APP: variants seen among roughly 807,000 people sequenced by gnomAD.
APP encodes amyloid-beta precursor protein.
In APP, 31 loss-of-function variants were observed where a neutral mutation model predicts 101.4. That is an observed-to-expected ratio of 0.31 (90% CI 0.23 to 0.41). The LOEUF is 0.41. APP is among the 10% of genes least tolerant of loss of function. APP has a pLI of 1.00. For missense variants in APP, 839 were observed against 1,003.7 expected, an observed-to-expected ratio of 0.84 and a Z score of 2.22; for synonymous variants, 366 against 364.4, an observed-to-expected ratio of 1.00 and a Z score of -0.05.
chr21:25,905,197 G>A, intron 14 of APP, 120 bp from the exon 15 acceptor site: 1 of 844,504 alleles, frequency 1.2e-6, no homozygotes, highest in South Asian at 1.4e-5. Context: ...TTACAAAAAA[G>A]GAGCAGCCAG....
chr21:26,062,780 T>A (rs1251086099), intron 3 of APP, among the ~76,000 whole-genome samples: 1 of 152,056 alleles, frequency 6.6e-6, no homozygotes, highest in Non-Finnish European at 1.5e-5. Context: ...TTTATTTTTT[T>A]AAGAAAGAGT....
intron 15 of APP, among the ~76,000 whole-genome samples, chr21:25,900,392 A>C (rs1468546265): frequency 3.6e-5 from 5 of 138,128 alleles, no homozygotes; most frequent in Admixed American, 3.5e-4. Context: ...AAAAAAAAAA[A>C]AAAAAAAAAA....
chr21:26,000,396 T>C (rs1328344312), intron 6 of APP, among the ~76,000 whole-genome samples: 1 of 152,178 alleles, frequency 6.6e-6, no homozygotes, highest in Non-Finnish European at 1.5e-5. Flanking sequence ...GTTTAATGAG[T>C]GCAGGACTCG....
rs147961845 is a variant in APP at position 26,087,950 on chromosome 21, T to C, written c.355+1993A>G. On this transcript the variant is annotated intron_variant, in intron 3 of 17. Coordinates refer to ENST00000346798, the MANE Select transcript of APP (RefSeq NM_000484.4). ...TTGATATTGAGATCTGAGAACATCT[T>C]TTATATCCTTTATTACTTGTTGTAC... is the stretch of plus-strand genomic sequence containing the variant. Among the ~76,000 whole-genome samples, 269 of 152,330 alleles carry C rather than the reference T, an allele frequency of 1.8e-3. 2 individuals are homozygous for C. The highest frequency in any genetic ancestry group is 6.0e-3 in the African/African-American group (251 of 41,568).
chr21:25,915,524 T>C (rs1343705815), intron 13 of APP, among the ~76,000 whole-genome samples: 3 of 152,270 alleles, frequency 2.0e-5, no homozygotes, highest in Non-Finnish European at 4.4e-5. Flanking sequence ...AAAGTAGCTG[T>C]AGAAATTAGG....
In APP at chr21:26,021,825, C is replaced by T; in HGVS notation, c.865+15G>A. On this transcript the variant is annotated intron_variant, in intron 6 of 17. Transcript: ENST00000346798. ...TCCTTGGGGGTGGGGGGAATCCAAG[C>T]AAATGGTGGATTACCTCGAACCACC... 6.2e-7 allele frequency: 1 copy of T among 1,611,940 alleles called. No individual in the cohort carries two copies. Among genetic ancestry groups the T allele is most frequent in the Non-Finnish European group, 8.5e-7 (1 of 1,179,756 alleles).
At chr21:25,936,282 C>CT (rs1555898988) in intron 13 of APP, among the ~76,000 whole-genome samples, 7 of 130 alleles carry the variant, frequency 0.054, no homozygotes, top group Admixed American at 0.3. Flanking sequence ...AGGCCGGGTG[C>CT]GGGGCTCACG....
chr21:25,902,676 A>G (rs974969579), intron 15 of APP, among the ~76,000 whole-genome samples: 1 of 152,202 alleles, frequency 6.6e-6, no homozygotes, highest in African/African-American at 2.4e-5. Flanking sequence ...ATCTCCAGTA[A>G]GTTCTCTACT....
At chr21:26,096,978 C>T (rs2061956605) in intron 2 of APP, among the ~76,000 whole-genome samples, 1 of 152,126 alleles carries the variant, frequency 6.6e-6, no homozygotes, top group African/African-American at 2.4e-5. Context: ...CCTGCCTGTG[C>T]CCTCTAACTC....
At chr21:26,167,889 G>A (rs868676747) in intron 1 of APP, among the ~76,000 whole-genome samples, 2 of 152,052 alleles carry the variant, frequency 1.3e-5, no homozygotes, top group Non-Finnish European at 2.9e-5. Context: ...GTTTCTCATC[G>A]ATTAGCAAGA....
intron 15 of APP, among the ~76,000 whole-genome samples, chr21:25,900,261 G>A (rs573948884): frequency 4.0e-5 from 6 of 151,892 alleles, no homozygotes; most frequent in Non-Finnish European, 5.9e-5. Flanking sequence ...TGCCAAGCAC[G>A]GTGGCTCACG....
chr21:26,164,887 T>C (rs1448483709), intron 1 of APP, among the ~76,000 whole-genome samples: 2 of 151,316 alleles, frequency 1.3e-5, no homozygotes, highest in Non-Finnish European at 2.9e-5. Context: ...ACATCCATGT[T>C]ATGTGGAAAA....
chr21:25,881,468 A>AAG lies in APP; in HGVS notation c.*200_*201dup, dbSNP rs950281598. ...AATGTAGTATAGAGACCAAAATGTA[A>AAG]AGAGAGATAGAATACATTACTGATG... On this transcript the variant is annotated 3_prime_UTR_variant, in exon 18 of 18. Transcript: ENST00000346798. The AAG allele has an allele frequency of 3.1e-6, 2 of 646,266 alleles. No individual in the cohort carries two copies. Among genetic ancestry groups the AAG allele is most frequent in the African/African-American group, 3.6e-5 (2 of 55,228 alleles). The allele number at this position is 646,266 out of a possible 1,614,324, so 40.0% of individuals were successfully genotyped here.
intron 6 of APP, among the ~76,000 whole-genome samples, chr21:26,003,477 T>C (rs557674945): frequency 1.6e-4 from 25 of 152,280 alleles, no homozygotes; most frequent in Non-Finnish European, 2.8e-4. Flanking sequence ...TCATGGGCAA[T>C]AGCAACAGAT....
intron 1 of APP, among the ~76,000 whole-genome samples, chr21:26,127,773 A>G (rs992100019): frequency 6.6e-6 from 1 of 152,248 alleles, no homozygotes; most frequent in Non-Finnish European, 1.5e-5. Context: ...CCCACCTCAC[A>G]GGATATTATG....
At chr21:25,952,609 C>T (rs2041137917) in intron 13 of APP, among the ~76,000 whole-genome samples, 2 of 152,110 alleles carry the variant, frequency 1.3e-5, no homozygotes, top group Non-Finnish European at 2.9e-5. Flanking sequence ...AAAGAGTCAA[C>T]AATAATTGCT....
intron 14 of APP, among the ~76,000 whole-genome samples, chr21:25,908,838 G>C (rs1475523301): frequency 6.6e-6 from 1 of 152,210 alleles, no homozygotes; most frequent in African/African-American, 2.4e-5. Context: ...GAAGCAGCCA[G>C]AGAGGCTAAG....
At chr21:26,121,931 G>C (rs1306388080) in intron 1 of APP, among the ~76,000 whole-genome samples, 3 of 152,176 alleles carry the variant, frequency 2.0e-5, no homozygotes, top group African/African-American at 7.2e-5. Context: ...TTAGAGAAGA[G>C]AATAAGTCTT....
chr21:26,109,029 T>C (rs1357606908), intron 2 of APP, among the ~76,000 whole-genome samples: 3 of 152,336 alleles, frequency 2.0e-5, no homozygotes, highest in East Asian at 3.9e-4. Flanking sequence ...TGGCGCCTAA[T>C]GTTGAAGAAT....
Sources: gnomAD v4.1 joint callset for allele counts (sites outside exome capture counted in the v4.1 genomes callset) on GRCh38, gnomAD v4.1.1 for gene constraint, MANE v1.5 for transcripts, NCBI Gene and HGNC (gene_info 2026-07-23, HGNC 2026-07-21) for gene names.